Variants in DDAH1 observed in about 807,000 individuals in gnomAD.
DDAH1 encodes the protein dimethylarginine dimethylaminohydrolase 1, also known as N(G),N(G)-dimethylarginine dimethylaminohydrolase 1.
Under a neutral mutation model 28.8 loss-of-function variants are expected in DDAH1, and 19 were observed. The observed-to-expected ratio is 0.66, with a 90% CI of 0.46 to 0.97. The LOEUF is 0.97. DDAH1 is among the 50% of genes least tolerant of loss of function. The pLI is 0.00. For synonymous variants in DDAH1, 153 were observed against 154.4 expected (o/e 0.99, Z 0.07); for missense variants, 326 against 375.9 (o/e 0.87, Z 1.10).
chr1:85,483,103 A>T (rs1164964265), intron 2 of DDAH1, among the ~76,000 whole-genome samples: 1 of 144,990 alleles, frequency 6.9e-6, no homozygotes, highest in Non-Finnish European at 1.6e-5. Flanking sequence ...AGTCCCAGCT[A>T]CTCGGAAGGC....
chr1:85,357,597 T>G (rs1328416167), intron 2 of DDAH1, among the ~76,000 whole-genome samples: 3 of 152,198 alleles, frequency 2.0e-5, no homozygotes, highest in Admixed American at 6.5e-5. Flanking sequence ...AGCCAAAATA[T>G]TAGACTTCCA....
At chr1:85,337,456 A>ATTT (rs35496019) in intron 4 of DDAH1, among the ~76,000 whole-genome samples, 1 of 145,010 alleles carries the variant, frequency 6.9e-6, no homozygotes. Flanking sequence ...AATAAAACTA[A>ATTT]TTTTTTTTTT....
In DDAH1 at chr1:85,350,453, C is replaced by G. The variant is rs147415500; in HGVS notation, c.559G>C (p.Ala187Pro). 1 of 1,614,090 alleles carries G rather than the reference C, an allele frequency of 6.2e-7. No homozygotes were observed. The highest frequency in any genetic ancestry group is 1.7e-5 in the Admixed American group (1 of 60,006). Residue 187 changes from alanine (A) to proline (P), a missense_variant, in exon 4 of 6, where the codon GCA becomes CCA. Coordinates refer to ENST00000284031, the MANE Select transcript of DDAH1 (RefSeq NM_012137.4). Reference sequence around the variant, plus strand: ...TGTGCAGATTCACTAGACCCAATTGCGATCAGGTTAGGCCCAGCCATGCTG... The same window carrying G: ...TGTGCAGATTCACTAGACCCAATTGGGATCAGGTTAGGCCCAGCCATGCTG... The part of the protein sequence containing the change: ...FCSMAGPNLI[A>P]IGSSESAQKA...
At chr1:85,482,459 G>A (rs1391427857) in intron 2 of DDAH1, 1 of 152,100 alleles carries the variant, frequency 6.6e-6, no homozygotes, top group Non-Finnish European at 1.5e-5. Flanking sequence ...GTGTAATAAT[G>A]ATAAAATTAC....
chr1:85,495,685 G>A (rs1340161563), intron 2 of DDAH1: 1 of 152,216 alleles, frequency 6.6e-6, no homozygotes. Flanking sequence ...GTGTGACAAT[G>A]TCATGAGCAA....
intron 1 of DDAH1, among the ~76,000 whole-genome samples, chr1:85,560,196 T>C (rs796366573): frequency 1.1e-4 from 17 of 152,236 alleles, no homozygotes; most frequent in African/African-American, 4.1e-4. Context: ...AGGGAAAGCC[T>C]GTCAATCTAC....
intron 1 of DDAH1, among the ~76,000 whole-genome samples, chr1:85,377,745 C>T (rs991424851): frequency 5.3e-5 from 8 of 149,688 alleles, no homozygotes; most frequent in African/African-American, 1.5e-4. Context: ...CACACACACA[C>T]ATTCAGTAAA....
intron 4 of DDAH1, among the ~76,000 whole-genome samples, chr1:85,332,516 G>A (rs546824758): frequency 1.3e-5 from 2 of 152,192 alleles, no homozygotes; most frequent in Non-Finnish European, 2.9e-5. Flanking sequence ...AACCGTCTGG[G>A]GCTTGGAAAT....
chr1:85,555,787 G>GA (rs1442260986), intron 1 of DDAH1, among the ~76,000 whole-genome samples: 1 of 152,156 alleles, frequency 6.6e-6, no homozygotes, highest in African/African-American at 2.4e-5. Flanking sequence ...GTCTGGTCCA[G>GA]AAAAAAGCTG....
At chr1:85,484,689 A>T (rs1291605964) in intron 2 of DDAH1, among the ~76,000 whole-genome samples, 1 of 152,246 alleles carries the variant, frequency 6.6e-6, no homozygotes, top group East Asian at 1.9e-4. Context: ...TGTCAATTTA[A>T]TGATGTAAAC....
rs557336805 is a variant in DDAH1, at chr1:85,491,147, A to G, written c.-7+5019T>C. 1.3e-4 allele frequency among the ~76,000 whole-genome samples: 20 copies of G among 151,486 alleles called. No individual in the cohort carries two copies. In the East Asian group the frequency reaches 2.3e-3, roughly 18 times the overall value. On this transcript the variant is annotated intron_variant, in intron 2 of 6. Coordinates refer to the DDAH1 transcript ENST00000426972. ...CTGCAACTTCTGCCTCCCAGGCTCA[A>G]ATGAGCCTCCCACCTCAGCCTCCCA...
At chr1:85,547,687 C>A (rs1004557612) in intron 1 of DDAH1, among the ~76,000 whole-genome samples, 3 of 152,142 alleles carry the variant, frequency 2.0e-5, no homozygotes, top group Admixed American at 6.5e-5. Flanking sequence ...ATACTGGGCA[C>A]AAGAGTGATT....
At chr1:85,331,034 A>T (rs1647728159) in intron 4 of DDAH1, among the ~76,000 whole-genome samples, 1 of 152,210 alleles carries the variant, frequency 6.6e-6, no homozygotes, top group Non-Finnish European at 1.5e-5. Context: ...ATGGTCTGTT[A>T]TGCAGCTGCT....
intron 1 of DDAH1, among the ~76,000 whole-genome samples, chr1:85,445,463 G>T (rs952553232): frequency 1.3e-5 from 2 of 152,218 alleles, no homozygotes; most frequent in African/African-American, 4.8e-5. Flanking sequence ...ATGTGAATCT[G>T]CACGCCAGAC....
chr1:85,509,281 A>C (rs1055632567), intron 1 of DDAH1, among the ~76,000 whole-genome samples: 5 of 152,244 alleles, frequency 3.3e-5, no homozygotes, highest in African/African-American at 9.6e-5. Flanking sequence ...ACTAACAAAC[A>C]GAAAGGAATA....
At chr1:85,535,333 T>C (rs1476930092) in intron 1 of DDAH1, among the ~76,000 whole-genome samples, 1 of 141,874 alleles carries the variant, frequency 7.0e-6, no homozygotes, top group African/African-American at 2.7e-5. Context: ...TCTTAGGAAG[T>C]TGTTCCAATA....
chr1:85,507,046 A>G (rs1657041907), intron 1 of DDAH1, among the ~76,000 whole-genome samples: 1 of 152,182 alleles, frequency 6.6e-6, no homozygotes, highest in Non-Finnish European at 1.5e-5. Flanking sequence ...TAAAATAAAT[A>G]TCTCTACAAT....
intron 1 of DDAH1, among the ~76,000 whole-genome samples, chr1:85,384,843 CT>C (rs990645618): frequency 1.3e-5 from 2 of 152,134 alleles, no homozygotes; most frequent in Non-Finnish European, 2.9e-5. Context: ...TCTTGATGAT[CT>C]TGGTGACATT....
chr1:85,452,885 T>C (rs1324244230), intron 1 of DDAH1, among the ~76,000 whole-genome samples: 1 of 152,188 alleles, frequency 6.6e-6, no homozygotes, highest in African/African-American at 2.4e-5. Context: ...ACTGAAATAA[T>C]GTAACTCAAG....
Sources: allele counts gnomAD v4.1 joint callset (sites outside exome capture counted in the v4.1 genomes callset), GRCh38; gene constraint gnomAD v4.1.1; transcripts MANE v1.5; gene names NCBI Gene and HGNC (gene_info 2026-07-23, HGNC 2026-07-21).